Variants in KCNJ6 observed in about 807,000 individuals in gnomAD.
The protein encoded by KCNJ6 is G protein-activated inward rectifier potassium channel 2.
A neutral mutation model predicts 34.2 loss-of-function variants in KCNJ6; 9 were observed. That is an observed-to-expected ratio of 0.26 (90% CI 0.16 to 0.46). KCNJ6 has a LOEUF of 0.46. KCNJ6 is among the 20% of genes least tolerant of loss of function. The probability of loss-of-function intolerance (pLI) is 1.00; values close to 1 mark genes in which losing one functional copy is unlikely to be tolerated. For synonymous variants in KCNJ6, 196 were observed against 207.1 expected, an observed-to-expected ratio of 0.95 and a Z score of 0.46; for missense variants, 236 against 531.3, an observed-to-expected ratio of 0.44 and a Z score of 5.46.
chr21:37,835,117 G>C (rs551932983), intron 2 of KCNJ6, among the ~76,000 whole-genome samples: 1 of 152,300 alleles, frequency 6.6e-6, no homozygotes, highest in African/African-American at 2.4e-5. Flanking sequence ...GATAGAGACA[G>C]AAAGCAAGAG....
chr21:37,780,235 C>T (rs761238679), intron 2 of KCNJ6, among the ~76,000 whole-genome samples: 9 of 152,098 alleles, frequency 5.9e-5, no homozygotes, highest in Admixed American at 3.3e-4. Flanking sequence ...CTGTGTGATT[C>T]CAACTATATG....
At chr21:37,890,052 A>G (rs527897650) in intron 1 of KCNJ6, among the ~76,000 whole-genome samples, 14 of 152,254 alleles carry the variant, frequency 9.2e-5, no homozygotes, top group African/African-American at 2.4e-4. Context: ...AAATTTATAT[A>G]CTTCCATATT....
intron 2 of KCNJ6, among the ~76,000 whole-genome samples, chr21:37,798,644 G>C (rs763617333): frequency 2.0e-5 from 3 of 152,176 alleles, no homozygotes; most frequent in Non-Finnish European, 4.4e-5. Flanking sequence ...TTGAAAACAT[G>C]CCTAGTGAAA....
chr21:37,792,969 G>C (rs576887251), intron 2 of KCNJ6, among the ~76,000 whole-genome samples: 1 of 152,224 alleles, frequency 6.6e-6, no homozygotes, highest in East Asian at 1.9e-4. Context: ...TAAGCCATGA[G>C]GCCCCTCCTC....
chr21:37,829,520 TGTGTGGGGGCCAGGG>T (rs2055414942), intron 2 of KCNJ6, among the ~76,000 whole-genome samples: 1 of 151,704 alleles, frequency 6.6e-6, no homozygotes, highest in Non-Finnish European at 1.5e-5. Flanking sequence ...TGCTGCTGGG[TGTGTGGGGGCCAGGG>T]GGCAGTGATG....
rs1390129144 is a variant in KCNJ6 at position 37,623,516 on chromosome 21, A to G, written c.*1643T>C. ...AATGTGAAAGATCTGTAACAGTGCA[A>G]AATCTCCACCTGCCCCGGAGGTTTG... On this transcript the variant is annotated 3_prime_UTR_variant, in exon 4 of 4. Coordinates refer to ENST00000609713, the MANE Select transcript of KCNJ6 (RefSeq NM_002240.5). The G allele has an allele frequency of 1.3e-5, 2 of 152,208 alleles. No individual in the cohort carries two copies. Among genetic ancestry groups the G allele is most frequent in the Admixed American group, 6.5e-5 (1 of 15,284 alleles). 9.4% of individuals were successfully genotyped at this position (152,208 alleles called of 1,614,324 possible).
At chr21:37,829,597 C>T (rs1040360047) in intron 2 of KCNJ6, among the ~76,000 whole-genome samples, 2 of 152,078 alleles carry the variant, frequency 1.3e-5, no homozygotes, top group East Asian at 1.9e-4. Context: ...TGATGGTGGC[C>T]GCCTGGCTCA....
At chr21:37,879,299 T>C (rs928765) in intron 1 of KCNJ6, among the ~76,000 whole-genome samples, 112,115 of 152,026 alleles carry the variant, frequency 0.74, 41,822 homozygotes, top group East Asian at 0.93. Flanking sequence ...CAGGGAAAGG[T>C]GGTGTGAAAT....
chr21:37,610,598 T>TTAA lies in KCNJ6; in HGVS notation c.*14560_*14561insTTA, dbSNP rs1556008029. 20 of 77,472 alleles carry TTAA rather than the reference T, an allele frequency of 2.6e-4. No individual in the cohort carries two copies. Among genetic ancestry groups the TTAA allele is most frequent in the Admixed American group, 1.9e-3 (11 of 5,686 alleles). 4.8% of individuals were successfully genotyped at this position (77,472 alleles called of 1,614,324 possible). A position where few individuals can be genotyped will look rare whatever the true frequency, so the allele number is the denominator to read the frequency against. On this transcript the variant is annotated 3_prime_UTR_variant, in exon 4 of 4. Transcript: ENST00000609713. ...TGGGCAACAGAGTGAGACTCTGTCT[T>TTAA]AAAAAAAAAAAAAAAAAAAAAAGGA... is the stretch of plus-strand genomic sequence containing the variant.
chr21:37,720,415 A>G (rs2054818818), intron 2 of KCNJ6, among the ~76,000 whole-genome samples: 1 of 152,104 alleles, frequency 6.6e-6, no homozygotes, highest in African/African-American at 2.4e-5. Flanking sequence ...GAAAAATGAG[A>G]ATGTATGCAA....
intron 1 of KCNJ6, among the ~76,000 whole-genome samples, chr21:37,910,988 G>A (rs959737582): frequency 2.0e-5 from 3 of 152,174 alleles, no homozygotes; most frequent in African/African-American, 7.2e-5. Flanking sequence ...CAACTGATTA[G>A]CAGGTATGAT....
At chr21:37,914,069 T>G (rs980535798) in intron 1 of KCNJ6, among the ~76,000 whole-genome samples, 2 of 144,298 alleles carry the variant, frequency 1.4e-5, no homozygotes, top group African/African-American at 5.0e-5. Flanking sequence ...GCGCGCGTCC[T>G]TTTTCTCCCC....
At position 37,616,446 on chromosome 21, in the gene KCNJ6, G is replaced by A. The variant is rs1428320353; in HGVS notation, c.*8713C>T. 6.6e-6 allele frequency: 1 copy of A among 150,980 alleles called. No individual in the cohort carries two copies. The highest frequency in any genetic ancestry group is 1.5e-5 in the Non-Finnish European group (1 of 67,802). 9.4% of individuals were successfully genotyped at this position (150,980 alleles called of 1,614,324 possible). On this transcript the variant is annotated 3_prime_UTR_variant, in exon 4 of 4. Coordinates refer to ENST00000609713, the MANE Select transcript of KCNJ6 (RefSeq NM_002240.5). ...AATGGCATGCTGCAAAGGACAAGAA[G>A]ATCCCACTGGACCAGTCCAGCTGTC...
intron 3 of KCNJ6, among the ~76,000 whole-genome samples, chr21:37,645,506 G>A (rs1401200519): frequency 2.6e-5 from 4 of 152,186 alleles, no homozygotes; most frequent in Non-Finnish European, 5.9e-5. Flanking sequence ...GTCATCTAAT[G>A]AAGGCAGTCT....
chr21:37,840,872 A>G (rs1455251151), intron 1 of KCNJ6, among the ~76,000 whole-genome samples, 163 bp from the exon 2 acceptor site: 1 of 152,186 alleles, frequency 6.6e-6, no homozygotes, highest in African/African-American at 2.4e-5. Flanking sequence ...TTATATTATC[A>G]GTCAGTCACT....
At chr21:37,707,420 C>T (rs1057102173) in intron 3 of KCNJ6, among the ~76,000 whole-genome samples, 16 of 152,186 alleles carry the variant, frequency 1.1e-4, no homozygotes, top group Non-Finnish European at 2.1e-4. Context: ...AAAGGTTACC[C>T]GTGAGTAGGT....
In KCNJ6 at chr21:37,610,794, A is replaced by G. The variant is rs991830115; in HGVS notation, c.*14365T>C. ...TAAGTGAAAAAATATTTTGAAATAAATGAAAATAAAAACATAGCTTATTAT... is the reference window on the plus strand; with the variant it reads ...TAAGTGAAAAAATATTTTGAAATAAGTGAAAATAAAAACATAGCTTATTAT... On this transcript the variant is annotated 3_prime_UTR_variant, in exon 4 of 4. Transcript: ENST00000609713. 6 of 152,096 alleles carry G rather than the reference A, an allele frequency of 3.9e-5. No individual in the cohort carries two copies. Among genetic ancestry groups the G allele is most frequent in the African/African-American group, 1.4e-4 (6 of 41,444 alleles). 9.4% of individuals were successfully genotyped at this position (152,096 alleles called of 1,614,324 possible).
In KCNJ6 at chr21:37,902,171, A is replaced by T. The variant is rs898546829; in HGVS notation, c.-28+13713T>A. 3.3e-5 allele frequency among the ~76,000 whole-genome samples: 5 copies of T among 152,262 alleles called. 1 individual carries two copies. The highest frequency in any genetic ancestry group is 7.3e-5 in the Non-Finnish European group (5 of 68,048). On this transcript the variant is annotated intron_variant, in intron 1 of 3. Transcript: ENST00000609713. ...GGCAACCCAGAAGAACAATGTCAAT[A>T]CAGGAAGACCAGAAATCAGTGACCT...
intron 3 of KCNJ6, among the ~76,000 whole-genome samples, chr21:37,644,364 CT>C (rs2054394255): frequency 6.6e-6 from 1 of 152,174 alleles, no homozygotes; most frequent in African/African-American, 2.4e-5. Flanking sequence ...ACATGTACCC[CT>C]GAACTTAAAA....
Sources: gnomAD v4.1 joint callset for allele counts (sites outside exome capture counted in the v4.1 genomes callset) on GRCh38, gnomAD v4.1.1 for gene constraint, MANE v1.5 for transcripts, NCBI Gene and HGNC (gene_info 2026-07-23, HGNC 2026-07-21) for gene names.